Variants in PRRC2B observed in about 807,000 individuals in gnomAD.
PRRC2B encodes the protein protein PRRC2B.
PRRC2B carries 68 observed loss-of-function variants against 242.3 expected under a neutral mutation model. That is an observed-to-expected ratio of 0.28 (90% CI 0.23 to 0.34). The LOEUF is 0.34. Ranked by LOEUF, PRRC2B falls within the 10% of genes least tolerant of loss-of-function variation. The pLI, the probability that PRRC2B is intolerant of heterozygous loss-of-function variation, is 1.00. For missense variants in PRRC2B, 2,835 were observed against 2,954.8 expected (o/e 0.96, Z 0.94); for synonymous variants, 1,228 against 1,173.6 (o/e 1.05, Z -0.95).
chr9:131,424,585 C>T (rs557434105), intron 1 of PRRC2B, among the ~76,000 whole-genome samples: 1 of 152,174 alleles, frequency 6.6e-6, no homozygotes, highest in African/African-American at 2.4e-5. Context: ...ACTCGGGAGG[C>T]TGAGGCTGGA....
At chr9:131,424,843 G>A (rs917383742) in intron 1 of PRRC2B, among the ~76,000 whole-genome samples, 2 of 152,198 alleles carry the variant, frequency 1.3e-5, no homozygotes, top group African/African-American at 4.8e-5. Context: ...CACAGAAGGT[G>A]CCCAGTTAAT....
intron 9 of PRRC2B, among the ~76,000 whole-genome samples, chr9:131,454,009 C>T (rs1472598979): frequency 6.6e-6 from 1 of 152,118 alleles, no homozygotes; most frequent in Non-Finnish European, 1.5e-5. Context: ...AAAAGAAACC[C>T]AATACCTGTT....
chr9:131,439,085 G>A, intron 5 of PRRC2B, 24 bp downstream of exon 5: 1 of 1,604,866 alleles, frequency 6.2e-7, no homozygotes, highest in South Asian at 1.1e-5. Context: ...TGTGTGTGTT[G>A]TTTGGGGACG....
Position 131,482,053 on chromosome 9 carries a change from T to A in PRRC2B, c.4983+245T>A, listed in dbSNP as rs942374645. Among the ~76,000 whole-genome samples, 3 of 152,002 alleles carry A rather than the reference T, an allele frequency of 2.0e-5. No homozygotes were observed. The highest frequency in any genetic ancestry group is 1.3e-4 in the Admixed American group (2 of 15,268). On this transcript the variant is annotated intron_variant, in intron 20 of 31. Coordinates refer to ENST00000683519, the MANE Select transcript of PRRC2B (RefSeq NM_013318.4). The surrounding 1 kb of genome is among the most constrained non-coding windows in gnomAD (Gnocchi z 5.2). ...TAACAAGGGAGGACCCAACGCTGGG[T>A]GGGAAGAGGGATTCAGGGCCTCCTC...
chr9:131,449,280 C>T (rs533968167), intron 9 of PRRC2B, among the ~76,000 whole-genome samples: 2 of 152,216 alleles, frequency 1.3e-5, no homozygotes, highest in Non-Finnish European at 2.9e-5. Context: ...CAAACCTTTT[C>T]CCCTGGTGGT....
At chr9:131,429,503 C>T (rs1225109131) in intron 1 of PRRC2B, among the ~76,000 whole-genome samples, 1 of 152,168 alleles carries the variant, frequency 6.6e-6, no homozygotes, top group African/African-American at 2.4e-5. Context: ...TTAGAGAGCC[C>T]TTTTGTTGCC....
Position 131,481,733 on chromosome 9 carries a change from T to C in PRRC2B, c.4908T>C (p.Pro1636=). The change falls in exon 20 of 32, where the codon CCT becomes CCC. Residue 1636 remains proline (P), a synonymous_variant. Transcript: ENST00000683519. ...EIWESSSQAL[P]VQAPANDSWR... The stretch of plus-strand genomic sequence containing the variant: ...GTCTTCCTCCCCTGGCAGCTCTCCC[T>C]GTGCAGGCCCCAGCCAACGACTCCT... 6.4e-7 allele frequency: 1 copy of C among 1,562,322 alleles called. No individual in the cohort carries two copies. The highest frequency in any genetic ancestry group is 1.2e-5 in the South Asian group (1 of 84,582).
At chr9:131,483,807 G>A (rs1943939511) in intron 23 of PRRC2B, among the ~76,000 whole-genome samples, 1 of 152,168 alleles carries the variant, frequency 6.6e-6, no homozygotes, top group South Asian at 2.1e-4. Flanking sequence ...CCTGCCGCCT[G>A]CAATCTAACT....
chr9:131,443,834 G>A (rs1345852641), intron 5 of PRRC2B, among the ~76,000 whole-genome samples: 1 of 152,182 alleles, frequency 6.6e-6, no homozygotes, highest in Non-Finnish European at 1.5e-5. Context: ...GGCCTCCCCT[G>A]GGCTGATTTT....
Position 131,475,138 on chromosome 9 carries a change from G to A in PRRC2B, c.3009G>A (p.Leu1003=). 1.2e-6 allele frequency: 2 copies of A among 1,612,834 alleles called. No homozygotes were observed. Among genetic ancestry groups the A allele is most frequent in the South Asian group, 1.1e-5 (1 of 90,830 alleles). Residue 1003 remains leucine, a synonymous_variant, in exon 16 of 32, where the codon TTG becomes TTA. Coordinates refer to ENST00000683519, the MANE Select transcript of PRRC2B (RefSeq NM_013318.4). ...TGGCCAACTCCTCCACCACCACTTT[G>A]GAGGACAAAGGCCCTGGCCATGCCA... ...ASLANSSTTT[L]EDKGPGHATF...
At chr9:131,399,211 A>T (rs1317722962) in intron 1 of PRRC2B, among the ~76,000 whole-genome samples, 3 of 133,360 alleles carry the variant, frequency 2.2e-5, no homozygotes, top group African/African-American at 8.5e-5. Context: ...TGGGAGGTGG[A>T]GGTTGCAGTG....
At chr9:131,390,980 T>A (rs1836893954), upstream of PRRC2B, among the ~76,000 whole-genome samples, 3 of 151,676 alleles carry the variant, frequency 2.0e-5, no homozygotes, top group Admixed American at 2.0e-4. Flanking sequence ...AGAGACAGGG[T>A]TTCACCATGT....
chr9:131,463,526 G>C (rs1943302055), intron 11 of PRRC2B, among the ~76,000 whole-genome samples: 1 of 151,800 alleles, frequency 6.6e-6, no homozygotes, highest in Non-Finnish European at 1.5e-5. Context: ...TCTGCATGCT[G>C]CTTGACCCCT....
At chr9:131,422,200 G>A (rs184019650) in intron 1 of PRRC2B, among the ~76,000 whole-genome samples, 4 of 152,134 alleles carry the variant, frequency 2.6e-5, no homozygotes, top group East Asian at 3.9e-4. Flanking sequence ...GATTACAGGC[G>A]CGCGCCACCA....
Position 131,476,156 on chromosome 9 carries a change from C to T in PRRC2B, c.4027C>T (p.Pro1343Ser). Residue 1343 changes from proline (P) to serine (S), a missense_variant, in exon 16 of 32, where the codon CCC becomes TCC. By Grantham distance (74) the Pro-to-Ser change is moderately conservative. Transcript: ENST00000683519. ...HLLAGQWPGR[P>S]KLCSGDKSGT... ...GCTGGCAGGTCAGTGGCCAGGCAGGCCCAAACTGTGTTCTGGGGACAAGAG... is the reference window on the plus strand; with the variant it reads ...GCTGGCAGGTCAGTGGCCAGGCAGGTCCAAACTGTGTTCTGGGGACAAGAG... 3.1e-6 allele frequency: 5 copies of T among 1,612,984 alleles called. No homozygotes were observed. The highest frequency in any genetic ancestry group is 1.3e-5 in the African/African-American group (1 of 75,060).
intron 25 of PRRC2B, 82 bp from the exon 26 acceptor site, chr9:131,486,003 C>G: frequency 2.1e-6 from 2 of 961,642 alleles, no homozygotes; most frequent in Non-Finnish European, 3.3e-6. Flanking sequence ...TAGAGCAGAC[C>G]TGTAGACTGT....
At chr9:131,416,798 G>C (rs1837668908) in intron 1 of PRRC2B, among the ~76,000 whole-genome samples, 1 of 152,114 alleles carries the variant, frequency 6.6e-6, no homozygotes, top group African/African-American at 2.4e-5. Flanking sequence ...TGATTATCCT[G>C]AGGTTATGGG....
intron 1 of PRRC2B, 38 bp from the exon 2 acceptor site, chr9:131,430,056 C>G (rs1175251799): frequency 2.3e-5 from 14 of 614,884 alleles, no homozygotes; most frequent in African/African-American, 3.9e-5. Flanking sequence ...TTTTTTTTCT[C>G]TCTCTTTTTT....
Position 131,486,299 on chromosome 9 carries a change from TGTG to T in PRRC2B, c.5856+121_5856+123del, listed in dbSNP as rs1011029103. 6.3e-5 allele frequency: 54 copies of T among 858,918 alleles called. No homozygotes were observed. The Admixed American group carries it at 6.8e-4, about 11-fold the overall frequency. The allele number at this position is 858,918 out of a possible 1,614,324, so 53.2% of individuals were successfully genotyped here. ...TGTCTGGTTTTCCATCCCCCTCACA[TGTG>T]GTGACCAGCACCTGGCCCGCCACGG... On this transcript the variant is annotated intron_variant, in intron 26 of 31. Transcript: ENST00000683519.
Sources: allele counts gnomAD v4.1 joint callset (sites outside exome capture counted in the v4.1 genomes callset), GRCh38; gene constraint gnomAD v4.1.1; non-coding constraint Gnocchi (gnomAD v3.1); transcripts MANE v1.5; gene names NCBI Gene and HGNC (gene_info 2026-07-23, HGNC 2026-07-21).